Variants in SLC30A9 observed in about 807,000 individuals in gnomAD.
SLC30A9 encodes solute carrier family 30 member 9.
SLC30A9 carries 58 observed loss-of-function variants against 87.5 expected under a neutral mutation model. The observed-to-expected ratio is 0.66, with a 90% CI of 0.54 to 0.82. The LOEUF (loss-of-function observed/expected upper bound fraction) is 0.82. Among genes scored for constraint, SLC30A9 ranks in the 40% least tolerant of loss-of-function variants. The pLI, the probability that SLC30A9 is intolerant of heterozygous loss-of-function variation, is 0.00. For synonymous variants in SLC30A9, 234 were observed against 233.0 expected (o/e 1.00, Z -0.04); for missense variants, 557 against 679.1 (o/e 0.82, Z 2.00).
chr4:42,079,452 C>G (rs1248298720), intron 17 of SLC30A9, among the ~76,000 whole-genome samples: 2 of 151,900 alleles, frequency 1.3e-5, no homozygotes, highest in African/African-American at 4.8e-5. Context: ...TGCCACCATG[C>G]CCAGCTAATT....
chr4:42,006,496 G>T (rs1715206950), intron 2 of SLC30A9, among the ~76,000 whole-genome samples: 2 of 152,170 alleles, frequency 1.3e-5, no homozygotes, highest in Non-Finnish European at 2.9e-5. Context: ...AGACCAGCCT[G>T]AGCAACGTGG....
chr4:41,993,087 G>C (rs1177325969), intron 1 of SLC30A9, among the ~76,000 whole-genome samples: 2 of 151,426 alleles, frequency 1.3e-5, no homozygotes, highest in Non-Finnish European at 2.9e-5. Context: ...ATTTTGAGTT[G>C]TCTGATAGCC....
intron 1 of SLC30A9, among the ~76,000 whole-genome samples, chr4:41,991,072 G>C (rs370722400): frequency 1.6e-4 from 25 of 152,388 alleles, no homozygotes; most frequent in East Asian, 1.5e-3. Context: ...GGTGTCCCGC[G>C]GTTACTCACC....
rs1026002356 is a variant in SLC30A9, at chr4:42,086,310, C to T, written c.*184C>T. On this transcript the variant is annotated 3_prime_UTR_variant, in exon 18 of 18. Transcript: ENST00000264451. ...GACACAGAACTAAAACTACTACTTA[C>T]ATCTAACAGACACACTACAAGTTGA... 12 of 404,210 alleles carry T rather than the reference C, an allele frequency of 3.0e-5. No individual in the cohort carries two copies. In the South Asian group the frequency reaches 4.6e-4, roughly 15 times the overall value. The allele number at this position is 404,210 out of a possible 1,614,324, so 25.0% of individuals were successfully genotyped here.
Position 42,016,486 on chromosome 4 carries a change from C to A in SLC30A9, c.275-1625C>A, listed in dbSNP as rs191354173. On this transcript the variant is annotated intron_variant, in intron 2 of 17. Transcript: ENST00000264451. ...ATAGCTTTATACATTTGTATATAGCCCTGATTATTTACTTTTGCTTGTTTG... is the reference window on the plus strand; with the variant it reads ...ATAGCTTTATACATTTGTATATAGCACTGATTATTTACTTTTGCTTGTTTG... 1.0e-3 allele frequency among the ~76,000 whole-genome samples: 156 copies of A among 151,902 alleles called. 1 individual carries two copies. Among genetic ancestry groups the A allele is most frequent in the African/African-American group, 3.6e-3 (150 of 41,440 alleles).
chr4:42,064,604 T>G (rs1239770968), intron 11 of SLC30A9, among the ~76,000 whole-genome samples: 2 of 152,222 alleles, frequency 1.3e-5, no homozygotes, highest in East Asian at 3.8e-4. Context: ...CTAGCGTTCT[T>G]CTAATTTGTA....
At chr4:42,054,900 T>A (rs1048464179) in intron 9 of SLC30A9, among the ~76,000 whole-genome samples, 1 of 152,194 alleles carries the variant, frequency 6.6e-6, no homozygotes, top group African/African-American at 2.4e-5. Context: ...TATTTAAAGA[T>A]GAAATGGTAC....
intron 17 of SLC30A9, among the ~76,000 whole-genome samples, chr4:42,080,029 A>G (rs1430141683): frequency 6.6e-6 from 1 of 152,226 alleles, no homozygotes. Flanking sequence ...AGACAGCTAC[A>G]TTCCCATATC....
intron 8 of SLC30A9, among the ~76,000 whole-genome samples, chr4:42,040,513 A>C (rs893311284): frequency 6.6e-6 from 1 of 152,210 alleles, no homozygotes; most frequent in Non-Finnish European, 1.5e-5. Context: ...AAAAGTCCTC[A>C]GGAAAAATTC....
intron 14 of SLC30A9, among the ~76,000 whole-genome samples, chr4:42,068,422 C>T (rs1718172050): frequency 6.6e-6 from 1 of 151,578 alleles, no homozygotes. Context: ...TTTGTATTTT[C>T]ATTAGAGACG....
At position 41,990,755 on chromosome 4, in the gene SLC30A9, G is replaced by A. The variant is rs11541147; in HGVS notation, c.104G>A (p.Arg35His). The change falls in exon 1 of 18, where the codon CGC becomes CAC. Residue 35 changes from arginine (R) to histidine (H), a missense_variant. By Grantham distance (29) the Arg-to-His change is conservative. This residue lies in a region of SLC30A9 where 467 missense variants were observed against 529.8 expected (regional missense o/e 0.88). Transcript: ENST00000264451. ...GCGGCGGCCTGTAATCCCAGCGACC[G>A]CCAGGGTGAGTGTCCCGCGCTGGCC... The part of the protein sequence containing the change: ...CRAAACNPSD[R>H]QEWQNLVTFG... The A allele has an allele frequency of 1.9e-5, 31 of 1,608,332 alleles. No individual in the cohort carries two copies. Among genetic ancestry groups the A allele is most frequent in the Non-Finnish European group, 2.6e-5 (31 of 1,177,406 alleles).
At chr4:42,058,111 A>C (rs1387509313) in intron 9 of SLC30A9, among the ~76,000 whole-genome samples, 1 of 151,976 alleles carries the variant, frequency 6.6e-6, no homozygotes, top group African/African-American at 2.4e-5. Flanking sequence ...AAAAAAAAAA[A>C]AAAAAAAAAA....
Position 42,072,054 on chromosome 4 carries a change from A to G in SLC30A9, c.1418+1363A>G, listed in dbSNP as rs149456206. Among the ~76,000 whole-genome samples, 4 of 152,284 alleles carry G rather than the reference A, an allele frequency of 2.6e-5. No individual in the cohort carries two copies. In the East Asian group the frequency reaches 7.7e-4, roughly 29 times the overall value. ...TTTGTCTTTTACTTCTAATTTACCT[A>G]ATTTGTTGGTATACAGCTATTTATA... On this transcript the variant is annotated intron_variant, in intron 15 of 17. Coordinates refer to ENST00000264451, the MANE Select transcript of SLC30A9 (RefSeq NM_006345.4).
intron 3 of SLC30A9, among the ~76,000 whole-genome samples, chr4:42,019,816 A>G (rs1420603307): frequency 6.6e-6 from 1 of 151,818 alleles, no homozygotes; most frequent in Non-Finnish European, 1.5e-5. Flanking sequence ...TTTTTTTTGG[A>G]CAGAGTCTGA....
rs535404826 is a variant in SLC30A9 at position 42,078,174 on chromosome 4, T to C, written c.1549-38T>C. 1.6e-5 allele frequency: 17 copies of C among 1,070,944 alleles called. No individual in the cohort carries two copies. In the South Asian group the frequency reaches 2.4e-4, roughly 15 times the overall value. The allele number at this position is 1,070,944 out of a possible 1,614,324, so 66.3% of individuals were successfully genotyped here. A position where few individuals can be genotyped will look rare whatever the true frequency, so the allele number is the denominator to read the frequency against. ...AGTCATAAGTGTACCACTATGGTTT[T>C]TTAAAAATTTATTTTCCTGTTTTCA... is the stretch of plus-strand genomic sequence containing the variant. On this transcript the variant is annotated intron_variant, in intron 16 of 17. Coordinates refer to ENST00000264451, the MANE Select transcript of SLC30A9 (RefSeq NM_006345.4).
chr4:42,049,620 A>G, intron 9 of SLC30A9, 141 bp downstream of exon 9: 1 of 468,944 alleles, frequency 2.1e-6, no homozygotes, highest in Non-Finnish European at 3.8e-6. Context: ...TCAGCAATGA[A>G]GTGCATAGAA....
At chr4:42,027,094 A>G (rs1023826551) in intron 6 of SLC30A9, among the ~76,000 whole-genome samples, 1 of 152,184 alleles carries the variant, frequency 6.6e-6, no homozygotes, top group Non-Finnish European at 1.5e-5. Flanking sequence ...CAGTAGCCAG[A>G]GTTGGCTAAC....
rs57572080 is a variant in SLC30A9, at chr4:42,044,386, CAAAAA to C, written c.738-4977_738-4973del. On this transcript the variant is annotated intron_variant, in intron 8 of 17. Transcript: ENST00000264451. ...GAATATTTACCAAGTAAATGGAAAG[CAAAAA>C]AAAAAAAAAAAAAGCAGGGTTGCAA... 2.0e-4 allele frequency among the ~76,000 whole-genome samples: 20 copies of C among 98,710 alleles called. No homozygotes were observed. In the East Asian group the frequency reaches 5.3e-3, roughly 26 times the overall value. 64.8% of individuals were successfully genotyped at this position (98,710 alleles called of 152,430 possible).
At chr4:42,079,693 C>T (rs868850502) in intron 17 of SLC30A9, among the ~76,000 whole-genome samples, 22 of 152,142 alleles carry the variant, frequency 1.4e-4, no homozygotes, top group African/African-American at 4.1e-4. Context: ...CCGCAGCCTC[C>T]GCCTTCCAGG....
Sources: allele counts gnomAD v4.1 joint callset (sites outside exome capture counted in the v4.1 genomes callset), GRCh38; gene constraint gnomAD v4.1.1; regional missense constraint gnomAD v4.1.1; transcripts MANE v1.5; gene names NCBI Gene and HGNC (gene_info 2026-07-23, HGNC 2026-07-21).